WIF1: variants seen among roughly 807,000 people sequenced by gnomAD.
The protein encoded by WIF1 is Wnt inhibitory factor 1.
In WIF1, 35 loss-of-function variants were observed where a neutral mutation model predicts 53.5. The ratio of observed to expected loss-of-function variants is 0.65; its 90% CI spans 0.50 to 0.87. The LOEUF (loss-of-function observed/expected upper bound fraction) is 0.87, where lower values mean the gene tolerates loss of function less well. WIF1 is among the 40% of genes least tolerant of loss of function. The pLI is 0.00. For missense variants in WIF1, 467 were observed against 476.8 expected (o/e 0.98, Z 0.19); for synonymous variants, 171 against 170.4 (o/e 1.00, Z -0.03).
intron 2 of WIF1, among the ~76,000 whole-genome samples, chr12:65,085,241 A>AT (rs905657546): frequency 1.3e-4 from 20 of 151,936 alleles, no homozygotes; most frequent in African/African-American, 3.4e-4. Context: ...TGGATTTTAG[A>AT]TTTTTTTTCA....
intron 2 of WIF1, among the ~76,000 whole-genome samples, chr12:65,085,083 C>A (rs1883014753): frequency 6.6e-6 from 1 of 152,150 alleles, no homozygotes; most frequent in South Asian, 2.1e-4. Context: ...CAAGACTTTG[C>A]CCAAGGCTCT....
At chr12:65,068,658 T>G in intron 4 of WIF1, 106 bp downstream of exon 4, 1 of 284,434 alleles carries the variant, frequency 3.5e-6, no homozygotes, top group Non-Finnish European at 5.8e-6. Flanking sequence ...CATGTGTGTG[T>G]GTGTGTGTGT....
chr12:65,052,848 T>G (rs1882461686), intron 9 of WIF1, among the ~76,000 whole-genome samples: 1 of 152,160 alleles, frequency 6.6e-6, no homozygotes. Context: ...GCCCCTAACT[T>G]GCCTTCCCTT....
intron 2 of WIF1, among the ~76,000 whole-genome samples, chr12:65,088,287 C>T (rs1883071838): frequency 6.6e-6 from 1 of 152,088 alleles, no homozygotes; most frequent in African/African-American, 2.4e-5. Context: ...CAACTGATGT[C>T]AATATCCACA....
intron 2 of WIF1, among the ~76,000 whole-genome samples, chr12:65,099,703 G>C (rs1312404413): frequency 2.6e-5 from 4 of 152,166 alleles, no homozygotes; most frequent in African/African-American, 9.7e-5. Flanking sequence ...TGGATATACA[G>C]CTCTGGGAGC....
chr12:65,061,049 G>A (rs1418346303), intron 7 of WIF1, among the ~76,000 whole-genome samples: 1 of 152,168 alleles, frequency 6.6e-6, no homozygotes, highest in Non-Finnish European at 1.5e-5. Context: ...AGTGTGCAGA[G>A]TCTGAAGTAA....
At chr12:65,078,076 G>A (rs1356640078) in intron 2 of WIF1, among the ~76,000 whole-genome samples, 2 of 151,956 alleles carry the variant, frequency 1.3e-5, no homozygotes, top group Non-Finnish European at 2.9e-5. Flanking sequence ...TAGTTAATCT[G>A]TTTTTGTTTG....
At chr12:65,100,666 TCA>T (rs1361958710) in intron 2 of WIF1, among the ~76,000 whole-genome samples, 2 of 152,096 alleles carry the variant, frequency 1.3e-5, no homozygotes, top group East Asian at 3.9e-4. Flanking sequence ...AAGTTGTTCT[TCA>T]CAGTGTTACT....
intron 2 of WIF1, among the ~76,000 whole-genome samples, chr12:65,117,614 C>T (rs1330948743): frequency 4.6e-5 from 7 of 152,154 alleles, no homozygotes; most frequent in African/African-American, 1.7e-4. Flanking sequence ...TTTATTACTA[C>T]ATTGTAATAT....
chr12:65,074,625 C>T (rs1389415885), intron 3 of WIF1, among the ~76,000 whole-genome samples: 1 of 151,702 alleles, frequency 6.6e-6, no homozygotes, highest in Non-Finnish European at 1.5e-5. Flanking sequence ...CGAGACCTGC[C>T]TGGCCAACAT....
At chr12:65,084,271 G>A (rs539469072) in intron 2 of WIF1, among the ~76,000 whole-genome samples, 1 of 152,016 alleles carries the variant, frequency 6.6e-6, no homozygotes, top group African/African-American at 2.4e-5. Context: ...CTTTAAAAGT[G>A]GCCAATACAT....
At chr12:65,082,055 A>G (rs748259090) in intron 2 of WIF1, among the ~76,000 whole-genome samples, 4 of 152,138 alleles carry the variant, frequency 2.6e-5, no homozygotes, top group Admixed American at 6.5e-5. Context: ...TATATCCTTC[A>G]TTTAACCTAA....
intron 7 of WIF1, among the ~76,000 whole-genome samples, chr12:65,062,122 C>T (rs915001903): frequency 6.6e-6 from 1 of 152,224 alleles, no homozygotes; most frequent in South Asian, 2.1e-4. Flanking sequence ...TAAACAGATC[C>T]CAGCTGTCCC....
At chr12:65,054,610 A>G (rs1349396424) in intron 9 of WIF1, among the ~76,000 whole-genome samples, 2 of 152,184 alleles carry the variant, frequency 1.3e-5, no homozygotes, top group African/African-American at 4.8e-5. Flanking sequence ...CTTTCCCTCA[A>G]AAGAACTCAT....
At chr12:65,057,945 C>T (rs1373341384) in intron 7 of WIF1, among the ~76,000 whole-genome samples, 2 of 152,108 alleles carry the variant, frequency 1.3e-5, no homozygotes, top group African/African-American at 2.4e-5. Context: ...ACAATATAGA[C>T]GTAACAATAT....
At chr12:65,072,507 G>A (rs1273385316) in intron 3 of WIF1, among the ~76,000 whole-genome samples, 4 of 152,134 alleles carry the variant, frequency 2.6e-5, no homozygotes, top group Non-Finnish European at 5.9e-5. Flanking sequence ...TCAGCATTTA[G>A]CATATTGTCT....
In WIF1 at chr12:65,062,589, G is replaced by GTAACAGGGGTGTTGCA; in HGVS notation, c.731-29_731-14dup. The GTAACAGGGGTGTTGCA allele has an allele frequency of 6.3e-7, 1 of 1,596,194 alleles. No homozygotes were observed. The highest frequency in any genetic ancestry group is 1.1e-5 in the South Asian group (1 of 88,774). On this transcript the variant is annotated splice_polypyrimidine_tract_variant and intron_variant, in intron 6 of 9. Transcript: ENST00000286574. ...GTTGAGCAGTTTGCTGTTAGAATGAGTAACAGGGGTGTTGCATTAGACAGT... is the reference window on the plus strand; with the variant it reads ...GTTGAGCAGTTTGCTGTTAGAATGAGTAACAGGGGTGTTGCATAACAGGGGTGTTGCATTAGACAGT...
intron 2 of WIF1, among the ~76,000 whole-genome samples, chr12:65,119,030 T>C (rs1173411101): frequency 1.3e-5 from 2 of 152,216 alleles, no homozygotes; most frequent in Non-Finnish European, 2.9e-5. Flanking sequence ...AAAAAATGTC[T>C]TTTCAAAAAT....
intron 6 of WIF1, 35 bp from the exon 7 acceptor site, chr12:65,062,611 C>T: frequency 6.4e-7 from 1 of 1,563,536 alleles, no homozygotes; most frequent in African/African-American, 1.3e-5. Context: ...TTGCATTAGA[C>T]AGTAGGTTAA....
Sources: allele counts gnomAD v4.1 joint callset (sites outside exome capture counted in the v4.1 genomes callset), GRCh38; gene constraint gnomAD v4.1.1; transcripts MANE v1.5; gene names NCBI Gene and HGNC (gene_info 2026-07-23, HGNC 2026-07-21).